The following ITPR1 variants were observed in gnomAD, a reference collection of about 807,000 sequenced individuals.
ITPR1 encodes inositol 1,4,5-trisphosphate receptor type 1.
In ITPR1, 96 loss-of-function variants were observed where a neutral mutation model predicts 318.4. The ratio of observed to expected loss-of-function variants is 0.30; its 90% confidence interval spans 0.26 to 0.36. The LOEUF (loss-of-function observed/expected upper bound fraction) is 0.36. ITPR1 is among the 10% of genes least tolerant of loss of function. ITPR1 has a pLI of 1.00. For synonymous variants in ITPR1, 1,312 were observed against 1,289.9 expected (o/e 1.02, Z -0.37); for missense variants, 2,440 against 3,460.2 (o/e 0.71, Z 7.40).
chr3:4,497,896 T>C (rs1421051688), intron 2 of ITPR1, among the ~76,000 whole-genome samples: 1 of 152,224 alleles, frequency 6.6e-6, no homozygotes, highest in Non-Finnish European at 1.5e-5. Flanking sequence ...TGACACATGC[T>C]ACAATGTGGA....
At position 4,815,124 on chromosome 3, in the gene ITPR1, C is replaced by T. The variant is rs754979024; in HGVS notation, c.7773C>T (p.Asn2591=). 37 of 1,613,756 alleles carry T rather than the reference C, an allele frequency of 2.3e-5. No homozygotes were observed. Among genetic ancestry groups the T allele is most frequent in the East Asian group, 4.5e-5 (2 of 44,896 alleles). The change falls in exon 59 of 62, where the codon AAC becomes AAT. Residue 2591 remains asparagine, a synonymous_variant. Transcript: ENST00000649015. ...FFFMVIIIVL[N]LIFGVIIDTF... ...TCATGGTCATCATCATTGTTCTTAA[C>T]CTGATTTTTGGGGTTATCATTGACA...
At chr3:4,691,891 C>A (rs2094485014) in intron 32 of ITPR1, among the ~76,000 whole-genome samples, 1 of 152,174 alleles carries the variant, frequency 6.6e-6, no homozygotes, top group South Asian at 2.1e-4. Context: ...GTGGCTCATG[C>A]CTGTAATCCC....
intron 10 of ITPR1, among the ~76,000 whole-genome samples, chr3:4,650,954 CT>C (rs2093584867): frequency 1.3e-5 from 2 of 152,182 alleles, no homozygotes; most frequent in Non-Finnish European, 2.9e-5. Context: ...TTGTTGTACA[CT>C]AAAGTGACCT....
At chr3:4,774,007 T>C (rs2125385221) in intron 46 of ITPR1, among the ~76,000 whole-genome samples, 1 of 152,334 alleles carries the variant, frequency 6.6e-6, no homozygotes, top group Non-Finnish European at 1.5e-5. Context: ...GTTCTTTTTA[T>C]AAAGACCAAA....
chr3:4,664,837 G>T (rs2093912675), intron 16 of ITPR1, among the ~76,000 whole-genome samples: 1 of 152,220 alleles, frequency 6.6e-6, no homozygotes, highest in Non-Finnish European at 1.5e-5. Flanking sequence ...CTGCTAGGGA[G>T]TAATAAAGGC....
chr3:4,781,664 G>T (rs560405365), intron 49 of ITPR1, among the ~76,000 whole-genome samples: 2 of 152,120 alleles, frequency 1.3e-5, no homozygotes, highest in African/African-American at 2.4e-5. Context: ...TTATCTCCTT[G>T]ACTCTACTTC....
intron 56 of ITPR1, 78 bp downstream of exon 56, chr3:4,811,538 C>T: frequency 8.4e-7 from 1 of 1,187,046 alleles, no homozygotes; most frequent in South Asian, 1.4e-5. Flanking sequence ...AAAATAACGA[C>T]TTTAGTAATG....
chr3:4,757,584 G>T (rs147005071), intron 44 of ITPR1, among the ~76,000 whole-genome samples: 1 of 152,092 alleles, frequency 6.6e-6, no homozygotes, highest in Non-Finnish European at 1.5e-5. Context: ...CTGAGGCGTC[G>T]GACAGGTGGG....
intron 4 of ITPR1, among the ~76,000 whole-genome samples, chr3:4,611,044 TCCC>T (rs2092075392): frequency 3.9e-5 from 1 of 25,546 alleles, no homozygotes; most frequent in African/African-American, 1.5e-4. Flanking sequence ...CCTCCCTCCC[TCCC>T]TCCCTCCCTC....
At chr3:4,726,241 C>T (rs1039817257) in intron 41 of ITPR1, among the ~76,000 whole-genome samples, 2 of 151,606 alleles carry the variant, frequency 1.3e-5, no homozygotes, top group African/African-American at 4.8e-5. Flanking sequence ...TGTTGGCCAG[C>T]CTGGTCTCAA....
chr3:4,696,598 CAT>C (rs967626350), intron 33 of ITPR1, among the ~76,000 whole-genome samples: 6 of 150,952 alleles, frequency 4.0e-5, no homozygotes, highest in Non-Finnish European at 7.4e-5. Flanking sequence ...TGTATAGACA[CAT>C]GTTTTCATTA....
intron 1 of ITPR1, 126 bp from the exon 2 acceptor site, chr3:4,494,305 G>C (rs1322127468): frequency 6.6e-6 from 1 of 152,388 alleles, no homozygotes; most frequent in Non-Finnish European, 1.5e-5. Context: ...TACCAAGTTT[G>C]GGGGCGGGGG....
chr3:4,671,199 T>C (rs1053507221), intron 20 of ITPR1, among the ~76,000 whole-genome samples: 2 of 152,164 alleles, frequency 1.3e-5, no homozygotes, highest in Non-Finnish European at 2.9e-5. Flanking sequence ...GATATGGTGG[T>C]AGGTACGTAA....
intron 33 of ITPR1, among the ~76,000 whole-genome samples, chr3:4,694,338 T>C (rs1320621796): frequency 1.3e-5 from 2 of 150,214 alleles, no homozygotes; most frequent in South Asian, 4.2e-4. Context: ...ATTTATGATA[T>C]ATAAAGTATA....
Position 4,761,077 on chromosome 3 carries a change from A to G in ITPR1, c.5545-5453A>G, listed in dbSNP as rs76423119. On this transcript the variant is annotated intron_variant, in intron 44 of 61. Coordinates refer to ENST00000649015, the MANE Select transcript of ITPR1 (RefSeq NM_001378452.1). The stretch of plus-strand genomic sequence containing the variant: ...CTAGAAAGTTGTCTCATTCCCATTT[A>G]TAGTCCTTTTCTACTCACAACCCCC... Among the ~76,000 whole-genome samples the G allele has an allele frequency of 9.1e-3, 1,388 of 152,266 alleles. 20 individuals carry two copies. The highest frequency in any genetic ancestry group is 0.032 in the African/African-American group (1,311 of 41,540).
chr3:4,825,593 C>T (rs935424396), intron 60 of ITPR1, among the ~76,000 whole-genome samples: 3 of 152,210 alleles, frequency 2.0e-5, no homozygotes, highest in African/African-American at 4.8e-5. Flanking sequence ...AGCAGTAGGA[C>T]ATCTGGCCCT....
At chr3:4,624,573 G>C (rs2092757041) in intron 4 of ITPR1, among the ~76,000 whole-genome samples, 1 of 151,112 alleles carries the variant, frequency 6.6e-6, no homozygotes, top group South Asian at 2.1e-4. Flanking sequence ...GGGAGGCTAA[G>C]GCAGAAGAAT....
At chr3:4,661,825 T>C (rs1054587303) in intron 14 of ITPR1, among the ~76,000 whole-genome samples, 7 of 152,310 alleles carry the variant, frequency 4.6e-5, no homozygotes, top group African/African-American at 1.7e-4. Flanking sequence ...TTTTGGATGC[T>C]CCCTGTAACA....
At chr3:4,682,933 A>G (rs766680068) in intron 26 of ITPR1, among the ~76,000 whole-genome samples, 1 of 152,230 alleles carries the variant, frequency 6.6e-6, no homozygotes, top group Non-Finnish European at 1.5e-5. Flanking sequence ...GCATTCCTAT[A>G]GTCCCAGCTA....
Sources: gnomAD v4.1 joint callset for allele counts (sites outside exome capture counted in the v4.1 genomes callset) on GRCh38, gnomAD v4.1.1 for gene constraint, MANE v1.5 for transcripts, NCBI Gene and HGNC (gene_info 2026-07-23, HGNC 2026-07-21) for gene names.